The following MYPN variants were observed in gnomAD, a reference collection of about 807,000 sequenced individuals.
MYPN encodes myopalladin.
Under a neutral mutation model 129.4 loss-of-function variants are expected in MYPN, and 63 were observed. The observed-to-expected ratio is 0.49, with a 90% confidence interval of 0.40 to 0.60. MYPN has a LOEUF of 0.60. Among genes scored for constraint, MYPN ranks in the 20% least tolerant of loss-of-function variants. The pLI is 0.00. For missense variants in MYPN, 1,596 were observed against 1,635.4 expected, an observed-to-expected ratio of 0.98 and a Z score of 0.42; for synonymous variants, 629 against 600.9, an observed-to-expected ratio of 1.05 and a Z score of -0.68.
At chr10:68,209,168 A>G (rs996743617) in intron 19 of MYPN, among the ~76,000 whole-genome samples, 7 of 152,200 alleles carry the variant, frequency 4.6e-5, no homozygotes, top group African/African-American at 1.7e-4. Context: ...GCCCTTCTGC[A>G]CACCAAGGTC....
chr10:68,166,317 G>A lies in MYPN; in HGVS notation c.1624G>A (p.Gly542Arg), dbSNP rs768390862. Reference protein sequence around the residue: ...VRGNEDLSNNGSLHSANSTTN... With the variant: ...VRGNEDLSNNRSLHSANSTTN... ...AGGAAATGAGGACCTCAGCAACAAC[G>A]GGTCTCTTCACTCAGCCAACTCTAC... Residue 542 changes from glycine (G) to arginine (R), a missense_variant, in exon 10 of 20, where the codon GGG becomes AGG. Physicochemically the swap from Gly to Arg is moderately radical, Grantham distance 125 (BLOSUM62 -2). Transcript: ENST00000358913. 5.0e-6 allele frequency: 8 copies of A among 1,613,858 alleles called. No individual in the cohort carries two copies. Among genetic ancestry groups the A allele is most frequent in the African/African-American group, 1.3e-5 (1 of 74,840 alleles).
In MYPN at chr10:68,121,519, G is replaced by C; in HGVS notation, c.81G>C (p.Arg27=). 1 of 1,614,142 alleles carries C rather than the reference G, an allele frequency of 6.2e-7. No homozygotes were observed. The highest frequency in any genetic ancestry group is 8.5e-7 in the Non-Finnish European group (1 of 1,180,016). Residue 27 remains arginine, a synonymous_variant, in exon 2 of 20, where the codon CGG becomes CGC. Transcript: ENST00000358913. The stretch of plus-strand genomic sequence containing the variant: ...GCTATTTAGCTGAAACCAGACATCG[G>C]GGAAACAATGAGAGGAGTCGAGCGG... ...RESYLAETRH[R]GNNERSRAEP... is the part of the protein sequence containing the mutation.
chr10:68,106,222 T>C (rs2042011053), upstream of MYPN: 2 of 450,524 alleles, frequency 4.4e-6, no homozygotes, highest in Non-Finnish European at 8.9e-6. Context: ...TGTTTTAAAG[T>C]GGGTGTTCTG....
upstream of MYPN, among the ~76,000 whole-genome samples, chr10:68,107,341 C>CTTTTTTT (rs1217100514): frequency 1.1e-4 from 12 of 113,430 alleles, no homozygotes; most frequent in Non-Finnish European, 1.8e-4. Context: ...CTTCTCTTTT[C>CTTTTTTT]TTTTTTTTTT....
Position 68,121,420 on chromosome 10 carries a change from A to G in MYPN, c.-1-18A>G, listed in dbSNP as rs780818371. ...CTAGAAATGATCCAAACTTTTTGTT[A>G]TTATTATTTTGTGACAGCATGCAAG... On this transcript the variant is annotated intron_variant, in intron 1 of 19. Coordinates refer to ENST00000358913, the MANE Select transcript of MYPN (RefSeq NM_032578.4). The G allele has an allele frequency of 1.9e-6, 3 of 1,602,444 alleles. No individual in the cohort carries two copies. Among genetic ancestry groups the G allele is most frequent in the South Asian group, 2.2e-5 (2 of 89,540 alleles).
intron 6 of MYPN, among the ~76,000 whole-genome samples, chr10:68,152,514 C>T (rs2134108018): frequency 2.0e-5 from 3 of 152,252 alleles, no homozygotes; most frequent in Non-Finnish European, 1.5e-5. Flanking sequence ...ACCTTTCAAT[C>T]TCTCCCGTTC....
chr10:68,133,847 T>C (rs1276736121), intron 2 of MYPN, among the ~76,000 whole-genome samples: 1 of 150,528 alleles, frequency 6.6e-6, no homozygotes, highest in Admixed American at 6.7e-5. Flanking sequence ...CCAGGAGGAC[T>C]GAGGAGCTAC....
At chr10:68,204,033 C>G (rs531803507) in intron 18 of MYPN, among the ~76,000 whole-genome samples, 5 of 152,316 alleles carry the variant, frequency 3.3e-5, no homozygotes, top group African/African-American at 1.2e-4. Flanking sequence ...ATACTCACCT[C>G]AAACATCATC....
intron 19 of MYPN, among the ~76,000 whole-genome samples, chr10:68,208,864 G>T (rs2043859531): frequency 6.6e-6 from 1 of 152,126 alleles, no homozygotes; most frequent in Admixed American, 6.5e-5. Flanking sequence ...CTAATCCTAG[G>T]AAATGCAGTA....
At chr10:68,195,662 T>C (rs2043592916) in intron 15 of MYPN, 130 bp downstream of exon 15, 8 of 771,794 alleles carry the variant, frequency 1.0e-5, no homozygotes, top group South Asian at 2.9e-5. Context: ...TAGCATCACC[T>C]GGGCGTTGGT....
At chr10:68,125,443 G>A (rs760998910) in intron 2 of MYPN, among the ~76,000 whole-genome samples, 2 of 152,234 alleles carry the variant, frequency 1.3e-5, no homozygotes, top group Admixed American at 1.3e-4. Flanking sequence ...AGAATTGTCC[G>A]AGTAGACTAT....
intron 11 of MYPN, 49 bp downstream of exon 11, chr10:68,174,705 T>C (rs773531558): frequency 4.5e-6 from 7 of 1,556,166 alleles, no homozygotes; most frequent in Non-Finnish European, 6.2e-6. Flanking sequence ...TAAGAGTCGA[T>C]GTGCACATTG....
rs2043191953 is a variant in MYPN at position 68,174,343 on chromosome 10, C to T, written c.2251C>T (p.Pro751Ser). The T allele has an allele frequency of 6.2e-7, 1 of 1,614,156 alleles. No individual in the cohort carries two copies. Among genetic ancestry groups the T allele is most frequent in the Non-Finnish European group, 8.5e-7 (1 of 1,180,036 alleles). ...SSPVFTLSST[P>S]QTIQRTVSKE... is the part of the protein sequence containing the mutation. ...TCCGGTGTTCACTTTGAGCAGCACTCCTCAAACTATTCAGAGGACAGTGAG... is the reference window on the plus strand; with the variant it reads ...TCCGGTGTTCACTTTGAGCAGCACTTCTCAAACTATTCAGAGGACAGTGAG... Residue 751 changes from proline (P) to serine (S), a missense_variant, in exon 11 of 20, where the codon CCT (proline) becomes TCT (serine). Physicochemically the swap from Pro to Ser is moderately conservative, Grantham distance 74. Transcript: ENST00000358913.
At chr10:68,156,051 T>C (rs2042867614) in intron 6 of MYPN, among the ~76,000 whole-genome samples, 1 of 152,198 alleles carries the variant, frequency 6.6e-6, no homozygotes, top group African/African-American at 2.4e-5. Context: ...TTGTGTAATC[T>C]CTGCAGATTG....
At chr10:68,115,636 C>G (rs1434781469) in intron 1 of MYPN, among the ~76,000 whole-genome samples, 1 of 152,204 alleles carries the variant, frequency 6.6e-6, no homozygotes, top group East Asian at 1.9e-4. Flanking sequence ...TGATTCTTTG[C>G]ATAGCAGCCA....
At chr10:68,091,467 T>A (rs1273700051) in intron 1 of MYPN, among the ~76,000 whole-genome samples, 1 of 142,322 alleles carries the variant, frequency 7.0e-6, no homozygotes, top group African/African-American at 2.7e-5. Context: ...CAATCTCGGC[T>A]CACTGCAACC....
intron 13 of MYPN, among the ~76,000 whole-genome samples, chr10:68,192,224 T>C (rs187461694): frequency 5.8e-4 from 88 of 152,338 alleles, no homozygotes; most frequent in Admixed American, 3.1e-3. Flanking sequence ...CCGAATTTAA[T>C]TGAGTGCTTT....
chr10:68,210,540 G>A lies in MYPN; in HGVS notation c.*85G>A, dbSNP rs187853696. On this transcript the variant is annotated 3_prime_UTR_variant, in exon 20 of 20. Transcript: ENST00000358913. The stretch of plus-strand genomic sequence containing the variant: ...CAGACTTGGTGGTTTCCAAGCAACC[G>A]AAGTTGAGTAAGTTCCCACACTGCT... 5.7e-5 allele frequency: 88 copies of A among 1,535,236 alleles called. No individual in the cohort carries two copies. Among genetic ancestry groups the A allele is most frequent in the African/African-American group, 5.6e-4 (41 of 73,544 alleles).
chr10:68,204,002 C>T (rs1053847369), intron 18 of MYPN, among the ~76,000 whole-genome samples: 2 of 152,182 alleles, frequency 1.3e-5, no homozygotes, highest in African/African-American at 4.8e-5. Flanking sequence ...AGCCCACTTC[C>T]CTAATGTCTG....
Sources: gnomAD v4.1 joint callset for allele counts (sites outside exome capture counted in the v4.1 genomes callset) on GRCh38, gnomAD v4.1.1 for gene constraint, MANE v1.5 for transcripts, NCBI Gene and HGNC (gene_info 2026-07-23, HGNC 2026-07-21) for gene names.